Variants in CDH18 observed in about 807,000 individuals in gnomAD.
CDH18 encodes cadherin 18.
A neutral mutation model predicts 67.9 loss-of-function variants in CDH18; 31 were observed. The observed-to-expected ratio is 0.46, with a 90% CI of 0.34 to 0.62. The LOEUF (loss-of-function observed/expected upper bound fraction) is 0.62, where lower values mean the gene tolerates loss of function less well. CDH18 is among the 20% of genes least tolerant of loss of function. The probability of loss-of-function intolerance (pLI) is 0.01; values close to 1 mark genes in which losing one functional copy is unlikely to be tolerated. For missense variants in CDH18, 890 were observed against 975.5 expected (o/e 0.91, Z 1.17); for synonymous variants, 362 against 347.2 (o/e 1.04, Z -0.48).
At chr5:20,423,151 G>T (rs1414609125) in intron 1 of CDH18, among the ~76,000 whole-genome samples, 1 of 151,316 alleles carries the variant, frequency 6.6e-6, no homozygotes, top group Admixed American at 6.6e-5. Context: ...GGAACCTTTG[G>T]TCTCCTTCTC....
intron 2 of CDH18, among the ~76,000 whole-genome samples, chr5:19,977,891 T>C (rs1050896048): frequency 1.3e-5 from 2 of 152,174 alleles, no homozygotes; most frequent in African/African-American, 4.8e-5. Context: ...TTCTATATTC[T>C]CATTCTAAGC....
At chr5:19,852,877 A>C (rs1581651145) in intron 2 of CDH18, among the ~76,000 whole-genome samples, 1 of 152,096 alleles carries the variant, frequency 6.6e-6, no homozygotes, top group Admixed American at 6.6e-5. Context: ...GGTGGCCTTC[A>C]GGAGTATTGA....
At chr5:20,502,080 G>A (rs10462118) in intron 1 of CDH18, among the ~76,000 whole-genome samples, 32,439 of 151,928 alleles carry the variant, frequency 0.21, 4,105 homozygotes, top group East Asian at 0.4. Context: ...GTTCAGAAAT[G>A]TTCCTGTCAG....
chr5:20,237,750 T>C (rs1742588196), intron 2 of CDH18, among the ~76,000 whole-genome samples: 1 of 151,990 alleles, frequency 6.6e-6, no homozygotes, highest in African/African-American at 2.4e-5. Context: ...CATCTACAGA[T>C]GCAACACAAT....
chr5:20,292,644 G>T (rs1747187058), intron 1 of CDH18, among the ~76,000 whole-genome samples: 1 of 152,138 alleles, frequency 6.6e-6, no homozygotes, highest in Non-Finnish European at 1.5e-5. Flanking sequence ...CCATGTCTTT[G>T]TGAAGGACAT....
intron 2 of CDH18, among the ~76,000 whole-genome samples, chr5:19,933,061 T>A (rs1377004733): frequency 6.6e-6 from 1 of 151,534 alleles, no homozygotes; most frequent in Non-Finnish European, 1.5e-5. Flanking sequence ...GTAATGCAGG[T>A]CTTTATTCAA....
At chr5:19,784,494 A>T (rs563403756) in intron 3 of CDH18, among the ~76,000 whole-genome samples, 2 of 152,302 alleles carry the variant, frequency 1.3e-5, no homozygotes, top group South Asian at 2.1e-4. Flanking sequence ...CCACTTTTTT[A>T]AAATTCCATC....
chr5:20,425,236 G>A (rs994802958), intron 1 of CDH18, among the ~76,000 whole-genome samples: 8 of 150,492 alleles, frequency 5.3e-5, no homozygotes, highest in Admixed American at 1.3e-4. Context: ...GTGTGGTGGC[G>A]CATGCCTGTA....
At chr5:19,818,139 T>G (rs1779488128) in intron 3 of CDH18, among the ~76,000 whole-genome samples, 1 of 152,134 alleles carries the variant, frequency 6.6e-6, no homozygotes, top group South Asian at 2.1e-4. Context: ...AAACCAAACT[T>G]TATAATATAC....
At chr5:20,445,210 G>A (rs923513409) in intron 1 of CDH18, among the ~76,000 whole-genome samples, 11 of 152,136 alleles carry the variant, frequency 7.2e-5, no homozygotes, top group Non-Finnish European at 1.0e-4. Flanking sequence ...CGAAGACTAA[G>A]CATTAGAACA....
chr5:20,203,108 A>G (rs1045864016), intron 2 of CDH18, among the ~76,000 whole-genome samples: 4 of 152,128 alleles, frequency 2.6e-5, no homozygotes, highest in Non-Finnish European at 5.9e-5. Flanking sequence ...CCTGGCACCA[A>G]GCCTGTGAAA....
intron 2 of CDH18, among the ~76,000 whole-genome samples, chr5:20,152,751 C>G (rs1259413881): frequency 2.0e-5 from 3 of 152,010 alleles, no homozygotes; most frequent in Non-Finnish European, 4.4e-5. Context: ...ATGCTAGAGT[C>G]AACTTAGTTG....
At chr5:19,887,581 T>C (rs1682555696) in intron 2 of CDH18, among the ~76,000 whole-genome samples, 1 of 152,016 alleles carries the variant, frequency 6.6e-6, no homozygotes, top group African/African-American at 2.4e-5. Flanking sequence ...GCTTTTTTTT[T>C]CCTCTAGAGA....
chr5:20,351,330 T>C (rs1741171228), intron 1 of CDH18, among the ~76,000 whole-genome samples: 1 of 152,032 alleles, frequency 6.6e-6, no homozygotes, highest in African/African-American at 2.4e-5. Flanking sequence ...AACTATTTGC[T>C]GAATAAATTA....
intron 1 of CDH18, among the ~76,000 whole-genome samples, chr5:20,328,452 T>C (rs528999332): frequency 8.6e-5 from 13 of 150,850 alleles, no homozygotes; most frequent in African/African-American, 2.4e-4. Flanking sequence ...TTGTGCTTTA[T>C]TGAGGTGTTG....
intron 2 of CDH18, among the ~76,000 whole-genome samples, chr5:20,108,988 G>A (rs1747224973): frequency 1.3e-5 from 2 of 152,326 alleles, no homozygotes; most frequent in East Asian, 3.9e-4. Flanking sequence ...ATGGCACTAA[G>A]TTGTGAGTGT....
chr5:19,724,308 G>GA (rs1175585523), intron 4 of CDH18, among the ~76,000 whole-genome samples: 7 of 152,058 alleles, frequency 4.6e-5, no homozygotes, highest in Non-Finnish European at 4.4e-5. Context: ...TTTTTGAAAT[G>GA]AAAAAATTTA....
At chr5:20,566,350 T>C (rs901246491) in intron 1 of CDH18, among the ~76,000 whole-genome samples, 7 of 140,508 alleles carry the variant, frequency 5.0e-5, no homozygotes, top group African/African-American at 2.0e-4. Context: ...TCTTGATTTT[T>C]TTTCTTTTTC....
intron 2 of CDH18, among the ~76,000 whole-genome samples, chr5:20,062,140 A>AATAATTATTATT (rs1554085580): frequency 6.5e-5 from 9 of 137,936 alleles, no homozygotes; most frequent in East Asian, 4.2e-4. Flanking sequence ...TTAAGCCCAG[A>AATAATTATTATT]ATTATTATTA....
Sources: allele counts gnomAD v4.1 joint callset (sites outside exome capture counted in the v4.1 genomes callset), GRCh38; gene constraint gnomAD v4.1.1; transcripts MANE v1.5; gene names NCBI Gene and HGNC (gene_info 2026-07-23, HGNC 2026-07-21).